The following ZNF521 variants were observed in gnomAD, a reference collection of about 807,000 sequenced individuals.
The protein encoded by ZNF521 is LYST-interacting protein 3.
In ZNF521, 14 loss-of-function variants were observed where a neutral mutation model predicts 105.5. The ratio of observed to expected loss-of-function variants is 0.13; its 90% CI spans 0.09 to 0.21. ZNF521 has a LOEUF of 0.21. Among genes scored for constraint, ZNF521 ranks in the 10% least tolerant of loss-of-function variants. ZNF521 has a pLI of 1.00. For synonymous variants in ZNF521, 635 were observed against 606.0 expected (o/e 1.05, Z -0.70); for missense variants, 1,233 against 1,629.7 (o/e 0.76, Z 4.19).
At chr18:25,258,192 G>GA (rs1291154167) in intron 3 of ZNF521, among the ~76,000 whole-genome samples, 1 of 152,058 alleles carries the variant, frequency 6.6e-6, no homozygotes, top group South Asian at 2.1e-4. Flanking sequence ...TTTGTTTTCA[G>GA]AAAAAAAGTC....
rs189812970 is a variant in ZNF521 at position 25,319,368 on chromosome 18, C to A, written c.220+2640G>T. Among the ~76,000 whole-genome samples the A allele has an allele frequency of 3.9e-5, 6 of 152,174 alleles. No individual in the cohort carries two copies. The East Asian group carries it at 1.2e-3, about 29-fold the overall frequency. On this transcript the variant is annotated intron_variant, in intron 3 of 7. Transcript: ENST00000361524. ...CAACACTTTGGGAGGCCGAGGCAGG[C>A]GCATCACTTGAGGCCAGGAGTTCAA...
chr18:25,175,590 C>T (rs1038871814), intron 5 of ZNF521, among the ~76,000 whole-genome samples: 6 of 152,108 alleles, frequency 3.9e-5, no homozygotes, highest in Admixed American at 6.5e-5. Flanking sequence ...GAATAGAAAA[C>T]GTGGATGGTC....
chr18:25,320,359 C>G (rs911702196), intron 3 of ZNF521, among the ~76,000 whole-genome samples: 1 of 152,060 alleles, frequency 6.6e-6, no homozygotes, highest in Admixed American at 6.6e-5. Context: ...TTAGTAGAGA[C>G]GGGGTTTCAC....
intron 3 of ZNF521, among the ~76,000 whole-genome samples, chr18:25,266,011 G>C (rs1201756891): frequency 6.6e-6 from 1 of 152,180 alleles, no homozygotes; most frequent in Admixed American, 6.5e-5. Flanking sequence ...TGAATACAGT[G>C]AGTAGGAGGA....
At chr18:25,164,759 G>C (rs1372172322) in intron 5 of ZNF521, among the ~76,000 whole-genome samples, 3 of 152,192 alleles carry the variant, frequency 2.0e-5, no homozygotes, top group Admixed American at 6.5e-5. Context: ...ACCCCCAGGA[G>C]GGGGGCACTC....
intron 3 of ZNF521, among the ~76,000 whole-genome samples, chr18:25,292,584 A>C (rs1333815153): frequency 1.3e-5 from 2 of 152,188 alleles, no homozygotes; most frequent in Non-Finnish European, 2.9e-5. Flanking sequence ...GGTGGTAAAT[A>C]ATGGCGTGTA....
At chr18:25,084,020 G>A (rs895459763) in intron 7 of ZNF521, among the ~76,000 whole-genome samples, 4 of 136,576 alleles carry the variant, frequency 2.9e-5, no homozygotes, top group Admixed American at 8.4e-5. Context: ...TTGGGCTCAA[G>A]TGATCCGCCT....
At chr18:25,232,488 T>C (rs1906600555) in intron 3 of ZNF521, among the ~76,000 whole-genome samples, 1 of 152,252 alleles carries the variant, frequency 6.6e-6, no homozygotes, top group African/African-American at 2.4e-5. Context: ...GGAATATTAA[T>C]TTTAAGGACT....
intron 5 of ZNF521, 35 bp downstream of exon 5, chr18:25,195,125 C>T (rs769204136): frequency 2.1e-6 from 3 of 1,460,580 alleles, no homozygotes; most frequent in Admixed American, 3.6e-5. Flanking sequence ...GCAGAAGAAA[C>T]ATCTATCTGT....
At chr18:25,089,417 A>G in intron 7 of ZNF521, 48 bp downstream of exon 7, 9 of 1,406,738 alleles carry the variant, frequency 6.4e-6, no homozygotes, top group Non-Finnish European at 9.1e-6. Context: ...TGTTTACTAT[A>G]AGAATAGCAA....
rs1906585507 is a variant in ZNF521 at position 25,232,294 on chromosome 18, A to T, written c.221-4597T>A. On this transcript the variant is annotated intron_variant, in intron 3 of 7. Transcript: ENST00000361524. ...ATGAAGATAAGAATTCTTGCTACTT[A>T]CCCTCTGGGGTGTTACAAAGACTAG... is the stretch of plus-strand genomic sequence containing the variant. Among the ~76,000 whole-genome samples the T allele has an allele frequency of 8.5e-5, 13 of 152,164 alleles. No homozygotes were observed. The South Asian group carries it at 2.7e-3, about 32-fold the overall frequency.
chr18:25,212,550 T>A lies in ZNF521; in HGVS notation c.3573+11795A>T, dbSNP rs1292522646. On this transcript the variant is annotated intron_variant, in intron 4 of 7. Coordinates refer to ENST00000361524, the MANE Select transcript of ZNF521 (RefSeq NM_015461.3). The stretch of plus-strand genomic sequence containing the variant: ...AAAAAAAAAAAAAAATATATATATA[T>A]ATATATATATATATATGTATAGAAA... 1.2e-3 allele frequency among the ~76,000 whole-genome samples: 134 copies of A among 109,156 alleles called. 2 individuals carry two copies. Among genetic ancestry groups the A allele is most frequent in the African/African-American group, 4.7e-3 (119 of 25,458 alleles). The allele number at this position is 109,156 out of a possible 152,430, so 71.6% of individuals were successfully genotyped here.
At chr18:25,160,642 G>T (rs1289947091) in intron 5 of ZNF521, among the ~76,000 whole-genome samples, 1 of 152,166 alleles carries the variant, frequency 6.6e-6, no homozygotes, top group Admixed American at 6.5e-5. Flanking sequence ...GTGTTCTCTA[G>T]GTTTTGTGTT....
chr18:25,314,244 C>T (rs996073722), intron 3 of ZNF521, among the ~76,000 whole-genome samples: 18 of 152,124 alleles, frequency 1.2e-4, no homozygotes, highest in African/African-American at 4.3e-4. Context: ...GAAAACGATG[C>T]TTCATTCTGT....
chr18:25,247,065 T>C (rs1213730497), intron 3 of ZNF521, among the ~76,000 whole-genome samples: 1 of 152,194 alleles, frequency 6.6e-6, no homozygotes, highest in African/African-American at 2.4e-5. Context: ...GATGCAGTCA[T>C]CAATTCCATA....
intron 3 of ZNF521, among the ~76,000 whole-genome samples, chr18:25,274,980 G>C (rs1351938798): frequency 6.6e-6 from 1 of 152,138 alleles, no homozygotes; most frequent in East Asian, 1.9e-4. Context: ...CCCAAAGCGG[G>C]TGGAGGGAAC....
intron 3 of ZNF521, among the ~76,000 whole-genome samples, chr18:25,288,629 A>T (rs955007909): frequency 1.3e-5 from 2 of 151,156 alleles, no homozygotes; most frequent in African/African-American, 2.4e-5. Context: ...TTTGATTTTC[A>T]TTGCCCTGGA....
At chr18:25,242,138 AT>A (rs1185086263) in intron 3 of ZNF521, among the ~76,000 whole-genome samples, 3 of 152,180 alleles carry the variant, frequency 2.0e-5, no homozygotes, top group Non-Finnish European at 4.4e-5. Context: ...TGAAATTCAA[AT>A]TGCCTTTTTC....
At chr18:25,346,195 T>G (rs1164190411) in intron 2 of ZNF521, among the ~76,000 whole-genome samples, 1 of 152,044 alleles carries the variant, frequency 6.6e-6, no homozygotes. Context: ...TCTAATTATG[T>G]CATCATTTCC....
Sources: gnomAD v4.1 joint callset for allele counts (sites outside exome capture counted in the v4.1 genomes callset) on GRCh38, gnomAD v4.1.1 for gene constraint, MANE v1.5 for transcripts, NCBI Gene and HGNC (gene_info 2026-07-23, HGNC 2026-07-21) for gene names.